Variants in C10orf53 observed in about 807,000 individuals in gnomAD.
C10orf53 encodes the protein UPF0728 protein C10orf53.
A neutral mutation model predicts 9.4 loss-of-function variants in C10orf53; 8 were observed. The ratio of observed to expected loss-of-function variants is 0.85; its 90% CI spans 0.50 to 1.53. C10orf53 has a LOEUF of 1.53. Ranked by LOEUF, C10orf53 falls within the 40% of genes most tolerant of loss-of-function variation. C10orf53 has a pLI of 0.00. For synonymous variants in C10orf53, 48 were observed against 46.0 expected (o/e 1.04, Z -0.18); for missense variants, 117 against 117.8 (o/e 0.99, Z 0.03).
rs989294693 is a variant in C10orf53 at position 49,688,834 on chromosome 10, G to A, written c.98-4940G>A. 2.6e-5 allele frequency among the ~76,000 whole-genome samples: 4 copies of A among 152,126 alleles called. No individual in the cohort carries two copies. The East Asian group carries it at 7.7e-4, about 29-fold the overall frequency. ...TCCTCAAAAGTCACCTTCATGGGCA[G>A]GCCTTCCTTGGGCATCCCAACAAAA... On this transcript the variant is annotated intron_variant, in intron 1 of 2. Coordinates refer to ENST00000374111, the MANE Select transcript of C10orf53 (RefSeq NM_001042427.3).
At chr10:49,705,271 A>T (rs1311096819) in intron 2 of C10orf53, among the ~76,000 whole-genome samples, 1 of 152,228 alleles carries the variant, frequency 6.6e-6, no homozygotes, top group East Asian at 1.9e-4. Flanking sequence ...AGCTACCTCT[A>T]GACAGGGAGG....
intron 1 of C10orf53, among the ~76,000 whole-genome samples, chr10:49,692,816 T>TG (rs1454613504): frequency 1.3e-5 from 2 of 152,316 alleles, no homozygotes; most frequent in East Asian, 3.9e-4. Flanking sequence ...AACTGTTCTC[T>TG]GGGGAAGGAG....
At chr10:49,698,142 T>C (rs1840651648), downstream of C10orf53, among the ~76,000 whole-genome samples, 1 of 151,972 alleles carries the variant, frequency 6.6e-6, no homozygotes. Context: ...AGTAAAAAAT[T>C]AGCTGAGTGC....
exon 3 of C10orf53, chr10:49,709,191 C>T (rs1231157384): frequency 1.3e-5 from 2 of 154,266 alleles, no homozygotes; most frequent in African/African-American, 2.4e-5. Flanking sequence ...AGCAAGTAAC[C>T]CATGCTCCAC....
chr10:49,690,831 G>A (rs1840577353), intron 1 of C10orf53, among the ~76,000 whole-genome samples: 2 of 152,234 alleles, frequency 1.3e-5, no homozygotes, highest in Non-Finnish European at 2.9e-5. Flanking sequence ...GGGGGTGTGT[G>A]TATGCCTCTG....
At chr10:49,699,091 G>A (rs11599553), downstream of C10orf53, among the ~76,000 whole-genome samples, 48,600 of 149,320 alleles carry the variant, frequency 0.33, 9,445 homozygotes, top group Non-Finnish European at 0.44. Context: ...TTGGCCAACA[G>A]TAAAATTTTA....
At chr10:49,708,376 G>C (rs760351220) in exon 3 of C10orf53, 9 of 1,614,092 alleles carry the variant, frequency 5.6e-6, no homozygotes, top group Non-Finnish European at 7.6e-6. Flanking sequence ...CTCACCCCAA[G>C]TAGTGACAAG....
At chr10:49,684,766 A>G (rs1840511672) in intron 1 of C10orf53, among the ~76,000 whole-genome samples, 1 of 152,208 alleles carries the variant, frequency 6.6e-6, no homozygotes, top group Non-Finnish European at 1.5e-5. Flanking sequence ...TAAGAACACT[A>G]GCAGTTTTGG....
intron 2 of C10orf53, among the ~76,000 whole-genome samples, chr10:49,705,517 G>A (rs1447044949): frequency 6.6e-6 from 1 of 152,154 alleles, no homozygotes; most frequent in Non-Finnish European, 1.5e-5. Flanking sequence ...TCAGTTTGGA[G>A]AAAGATCCAA....
At chr10:49,708,422 G>A (rs765728426) in exon 3 of C10orf53, 3 of 1,614,044 alleles carry the variant, frequency 1.9e-6, no homozygotes, top group Non-Finnish European at 2.5e-6. Flanking sequence ...CATTTCACCA[G>A]CTTAGCAGCC....
intron 1 of C10orf53, among the ~76,000 whole-genome samples, chr10:49,686,438 AG>A (rs1289591801): frequency 6.6e-6 from 1 of 152,214 alleles, no homozygotes; most frequent in Non-Finnish European, 1.5e-5. Flanking sequence ...GAATGAGGGA[AG>A]ATAAACAGGA....
intron 1 of C10orf53, among the ~76,000 whole-genome samples, chr10:49,683,217 C>G (rs1258262): frequency 0.37 from 56,111 of 152,150 alleles, 11,409 homozygotes; most frequent in Non-Finnish European, 0.45. Context: ...TAATTACAGC[C>G]ATCGCAGTAG....
intron 2 of C10orf53, among the ~76,000 whole-genome samples, chr10:49,705,914 A>G (rs1382909209): frequency 6.6e-6 from 1 of 152,222 alleles, no homozygotes; most frequent in East Asian, 1.9e-4. Flanking sequence ...TTACAGCTCA[A>G]TAATAAAAGG....
chr10:49,701,016 G>GTA (rs749680922), downstream of C10orf53, among the ~76,000 whole-genome samples: 9,208 of 138,956 alleles, frequency 0.066, 397 homozygotes, highest in Non-Finnish European at 0.1. Flanking sequence ...ATATATATAT[G>GTA]TATATATATG....
chr10:49,710,050 G>A (rs994770729), exon 3 of C10orf53: 3 of 152,854 alleles, frequency 2.0e-5, no homozygotes, highest in South Asian at 4.1e-4. Context: ...GCTCCTCAAA[G>A]CAGCAGCATG....
chr10:49,708,855 T>C, exon 3 of C10orf53: 1 of 583,606 alleles, frequency 1.7e-6, no homozygotes, highest in African/African-American at 1.9e-5. Context: ...GATGAACTAC[T>C]TACTCAATTT....
intron 2 of C10orf53, among the ~76,000 whole-genome samples, chr10:49,704,203 GT>G: frequency 6.6e-6 from 1 of 152,254 alleles, no homozygotes; most frequent in East Asian, 1.9e-4. Flanking sequence ...AAGAAAAGTG[GT>G]TTTGTGTTTT....
At chr10:49,690,140 A>G (rs981874538) in intron 1 of C10orf53, among the ~76,000 whole-genome samples, 17 of 152,166 alleles carry the variant, frequency 1.1e-4, no homozygotes, top group Non-Finnish European at 2.2e-4. Context: ...TCTTCCCACA[A>G]TAGGGGAAGG....
In C10orf53 at chr10:49,695,399, T is replaced by C. The variant is rs747117131; in HGVS notation, c.*797T>C. The C allele has an allele frequency of 6.6e-6, 1 of 152,158 alleles. No individual in the cohort carries two copies. Among genetic ancestry groups the C allele is most frequent in the Admixed American group, 6.5e-5 (1 of 15,286 alleles). 9.4% of individuals were successfully genotyped at this position (152,158 alleles called of 1,614,324 possible). On this transcript the variant is annotated 3_prime_UTR_variant, in exon 3 of 3. Coordinates refer to ENST00000374111, the MANE Select transcript of C10orf53 (RefSeq NM_001042427.3). ...AATGTGTAGTATATATTCTTAACTA[T>C]AGAGTAACAGAGAGGGGGAAATGCA...
Sources: allele counts gnomAD v4.1 joint callset (sites outside exome capture counted in the v4.1 genomes callset), GRCh38; gene constraint gnomAD v4.1.1; transcripts MANE v1.5; gene names NCBI Gene and HGNC (gene_info 2026-07-23, HGNC 2026-07-21).